AGBL1: variants seen among roughly 807,000 people sequenced by gnomAD.
AGBL1 encodes AGBL carboxypeptidase 1.
AGBL1 carries 130 observed loss-of-function variants against 118.9 expected under a neutral mutation model. That is an observed-to-expected ratio of 1.09 (90% CI 0.95 to 1.26). AGBL1 has a LOEUF of 1.26. Among genes scored for constraint, AGBL1 ranks in the 50% most tolerant of loss-of-function variants. The pLI is 0.00. For missense variants in AGBL1, 1,584 were observed against 1,298.1 expected (o/e 1.22, Z -3.38); for synonymous variants, 555 against 478.9 (o/e 1.16, Z -2.08).
At chr15:86,431,944 A>G (rs2081940592) in intron 18 of AGBL1, among the ~76,000 whole-genome samples, 2 of 152,136 alleles carry the variant, frequency 1.3e-5, no homozygotes, top group Admixed American at 1.3e-4. Context: ...TGTATTGGCA[A>G]CACGATAGCT....
At chr15:86,992,352 A>G (rs1395148513) in intron 24 of AGBL1, among the ~76,000 whole-genome samples, 1 of 152,176 alleles carries the variant, frequency 6.6e-6, no homozygotes, top group East Asian at 1.9e-4. Context: ...GGAGGGAAAC[A>G]TCGGAACTAT....
At chr15:86,559,018 GCTT>G (rs2083776513) in intron 21 of AGBL1, among the ~76,000 whole-genome samples, 1 of 152,100 alleles carries the variant, frequency 6.6e-6, no homozygotes, top group Non-Finnish European at 1.5e-5. Flanking sequence ...CTTTCTTTGA[GCTT>G]CTTGTATTGC....
intron 18 of AGBL1, among the ~76,000 whole-genome samples, chr15:86,451,266 G>A (rs2082189151): frequency 6.6e-6 from 1 of 152,176 alleles, no homozygotes; most frequent in African/African-American, 2.4e-5. Flanking sequence ...TGCTGGTCAT[G>A]TAAGCTAAGA....
At chr15:86,145,188 G>T (rs1218670091) in intron 3 of AGBL1, among the ~76,000 whole-genome samples, 1 of 152,146 alleles carries the variant, frequency 6.6e-6, no homozygotes, top group African/African-American at 2.4e-5. Flanking sequence ...TTTCCCAAAA[G>T]AATAACATTC....
chr15:86,767,926 T>C (rs772990422), intron 22 of AGBL1, among the ~76,000 whole-genome samples: 1 of 151,992 alleles, frequency 6.6e-6, no homozygotes, highest in Non-Finnish European at 1.5e-5. Context: ...CCTTTTTGGA[T>C]TTTATTTTCC....
intron 22 of AGBL1, among the ~76,000 whole-genome samples, chr15:86,749,809 C>A (rs1416660190): frequency 6.6e-6 from 1 of 152,118 alleles, no homozygotes. Context: ...TGCTGGATTA[C>A]TTTTATTGAT....
chr15:86,814,182 C>A (rs75284992), intron 22 of AGBL1, among the ~76,000 whole-genome samples: 33 of 152,310 alleles, frequency 2.2e-4, no homozygotes, highest in Non-Finnish European at 4.3e-4. Context: ...CTTGTCAAAT[C>A]AGCGGCAGCA....
intron 18 of AGBL1, among the ~76,000 whole-genome samples, chr15:86,436,661 C>T (rs1361288610): frequency 1.3e-5 from 2 of 151,422 alleles, no homozygotes; most frequent in African/African-American, 2.5e-5. Context: ...AATGGGAAGA[C>T]TTATATTAGT....
chr15:86,854,559 A>G (rs892846047), intron 22 of AGBL1, among the ~76,000 whole-genome samples: 1 of 152,192 alleles, frequency 6.6e-6, no homozygotes, highest in Non-Finnish European at 1.5e-5. Context: ...CCAGTGTTAC[A>G]TGCACACAAC....
In AGBL1 at chr15:86,843,875, C is replaced by T. The variant is rs530321317; in HGVS notation, c.3159-63212C>T. ...TCATCATCCCTATTTTCCTTGTGTC[C>T]GCCAGGAGTTAATCCTTCCACCCTC... On this transcript the variant is annotated intron_variant, in intron 22 of 22. Coordinates refer to ENST00000614907, the MANE Select transcript of AGBL1 (RefSeq NM_001386094.1). Among the ~76,000 whole-genome samples the T allele has an allele frequency of 5.9e-5, 9 of 152,146 alleles. No homozygotes were observed. In the South Asian group the frequency reaches 6.2e-4, roughly 11 times the overall value.
At chr15:86,689,909 A>G (rs763128895) in intron 22 of AGBL1, among the ~76,000 whole-genome samples, 37 of 152,154 alleles carry the variant, frequency 2.4e-4, no homozygotes, top group Non-Finnish European at 4.9e-4. Flanking sequence ...GGTTCTCTAT[A>G]TGGGAATTGT....
chr15:86,284,372 A>C (rs1421385292), intron 16 of AGBL1, among the ~76,000 whole-genome samples: 1 of 152,188 alleles, frequency 6.6e-6, no homozygotes, highest in Non-Finnish European at 1.5e-5. Context: ...ATAATTGACA[A>C]ATCTGTGAGT....
intron 22 of AGBL1, among the ~76,000 whole-genome samples, chr15:86,795,011 A>AGG (rs997783898): frequency 6.6e-6 from 1 of 151,686 alleles, no homozygotes; most frequent in African/African-American, 2.4e-5. Flanking sequence ...GGAAAATAAG[A>AGG]GACCCAGCAC....
intron 17 of AGBL1, among the ~76,000 whole-genome samples, chr15:86,346,648 CAAGCTCATTCTTTATGGTCAAGTGA>C (rs2080542667): frequency 2.0e-5 from 3 of 152,160 alleles, no homozygotes; most frequent in Admixed American, 2.0e-4. Context: ...CACGCCCGGC[CAAGCTCATTCTTTATGGTCAAGTGA>C]AAGCTCATTC....
intron 22 of AGBL1, among the ~76,000 whole-genome samples, chr15:86,739,880 G>T (rs2141232849): frequency 6.6e-6 from 1 of 152,234 alleles, no homozygotes; most frequent in African/African-American, 2.4e-5. Context: ...CCAGAAGGGT[G>T]GCCTAATGAA....
chr15:86,434,915 T>C (rs2081982620), intron 18 of AGBL1, among the ~76,000 whole-genome samples: 2 of 152,228 alleles, frequency 1.3e-5, no homozygotes, highest in South Asian at 4.1e-4. Context: ...TATATCCTAT[T>C]GTTCTGAAGT....
chr15:86,135,366 A>T (rs1050644974), intron 1 of AGBL1, among the ~76,000 whole-genome samples: 4 of 152,220 alleles, frequency 2.6e-5, no homozygotes, highest in African/African-American at 9.6e-5. Flanking sequence ...TCTTTTCTTT[A>T]TAAATTACCC....
chr15:86,769,171 G>GAGAGAGAGAGAGAGAGAGAGAGAA (rs72260009), intron 22 of AGBL1, among the ~76,000 whole-genome samples: 1 of 118,532 alleles, frequency 8.4e-6, no homozygotes, highest in Non-Finnish European at 1.7e-5. Flanking sequence ...TTCTCATTTT[G>GAGAGAGAGAGAGAGAGAGAGAGAA]AGAGGGAGAG....
At chr15:86,562,871 G>T (rs987092137) in intron 21 of AGBL1, among the ~76,000 whole-genome samples, 2 of 45,896 alleles carry the variant, frequency 4.4e-5, no homozygotes, top group African/African-American at 1.2e-4. Context: ...TTTAGTCTTG[G>T]GAGGGTGCAT....
Sources: allele counts gnomAD v4.1 joint callset (sites outside exome capture counted in the v4.1 genomes callset), GRCh38; gene constraint gnomAD v4.1.1; transcripts MANE v1.5; gene names NCBI Gene and HGNC (gene_info 2026-07-23, HGNC 2026-07-21).